Variants in IP6K1 observed in about 807,000 individuals in gnomAD.
The protein encoded by IP6K1 is ATP:1D-myo-inositol-hexakisphosphate phosphotransferase.
In IP6K1, 13 loss-of-function variants were observed where a neutral mutation model predicts 38.3. That is an observed-to-expected ratio of 0.34 (90% CI 0.22 to 0.54). The LOEUF (loss-of-function observed/expected upper bound fraction) is 0.54. Ranked by LOEUF, IP6K1 falls within the 20% of genes least tolerant of loss-of-function variation. The pLI, the probability that IP6K1 is intolerant of heterozygous loss-of-function variation, is 0.92. For missense variants in IP6K1, 397 were observed against 599.8 expected (o/e 0.66, Z 3.53); for synonymous variants, 212 against 229.9 (o/e 0.92, Z 0.70).
intron 1 of IP6K1, among the ~76,000 whole-genome samples, chr3:49,772,777 CAT>C (rs1392232259): frequency 6.8e-6 from 1 of 146,208 alleles, no homozygotes; most frequent in African/African-American, 2.5e-5. Context: ...TTTTTTTTTA[CAT>C]AGAGACAGGG....
At chr3:49,731,960 T>G (rs2080566641) in intron 4 of IP6K1, among the ~76,000 whole-genome samples, 1 of 151,658 alleles carries the variant, frequency 6.6e-6, no homozygotes, top group African/African-American at 2.4e-5. Flanking sequence ...GACAGGGTCT[T>G]GCTGTGTTGC....
chr3:49,746,677 A>T (rs2080724254), intron 2 of IP6K1, among the ~76,000 whole-genome samples: 1 of 151,456 alleles, frequency 6.6e-6, no homozygotes, highest in African/African-American at 2.4e-5. Context: ...CTCAAAAAAA[A>T]AAAAAAAGTG....
At chr3:49,768,626 C>T (rs1017165326) in intron 1 of IP6K1, among the ~76,000 whole-genome samples, 1 of 151,962 alleles carries the variant, frequency 6.6e-6, no homozygotes, top group Non-Finnish European at 1.5e-5. Flanking sequence ...AAAAATTAGC[C>T]GGCCGTGGTG....
At chr3:49,780,144 A>C (rs1224815337) in intron 1 of IP6K1, among the ~76,000 whole-genome samples, 1 of 152,282 alleles carries the variant, frequency 6.6e-6, no homozygotes, top group South Asian at 2.1e-4. Flanking sequence ...ATAAAATTTT[A>C]CAAAAGAGAT....
chr3:49,759,906 T>C (rs942811862), intron 1 of IP6K1, among the ~76,000 whole-genome samples: 5 of 152,156 alleles, frequency 3.3e-5, no homozygotes, highest in Non-Finnish European at 5.9e-5. Context: ...AGAATTATTG[T>C]TTTTTCTTTC....
intron 1 of IP6K1, among the ~76,000 whole-genome samples, chr3:49,765,470 T>C (rs1310022108): frequency 7.6e-6 from 1 of 132,288 alleles, no homozygotes; most frequent in African/African-American, 2.9e-5. Context: ...TCAAACTCTG[T>C]TTCTACTTAA....
rs1427703740 is a variant in IP6K1 at position 49,724,496 on chromosome 3, CAG to C, written c.*2624_*2625del. 3.3e-5 allele frequency: 5 copies of C among 152,434 alleles called. No individual in the cohort carries two copies. In the East Asian group the frequency reaches 9.6e-4, roughly 29 times the overall value. 9.4% of individuals were successfully genotyped at this position (152,434 alleles called of 1,614,324 possible). A position where few individuals can be genotyped will look rare whatever the true frequency, so the allele number is the denominator to read the frequency against. On this transcript the variant is annotated 3_prime_UTR_variant, in exon 6 of 6. Coordinates refer to ENST00000321599, the MANE Select transcript of IP6K1 (RefSeq NM_153273.4). ...AGGCTTAGCTTCCAGGAAAGAGCAG[CAG>C]AGAGCGATTCCCAGAACGCGAGGGC...
At chr3:49,775,578 T>C (rs2081000081) in intron 1 of IP6K1, 1 of 1,037,604 alleles carries the variant, frequency 9.6e-7, no homozygotes, top group Admixed American at 2.1e-5. Context: ...AGACCTCTTC[T>C]ACGAACACAA....
intron 2 of IP6K1, among the ~76,000 whole-genome samples, chr3:49,740,929 C>T (rs139367055): frequency 1.3e-5 from 2 of 151,476 alleles, no homozygotes; most frequent in African/African-American, 4.8e-5. Context: ...CCTCAGCTCA[C>T]TGCAATCTCC....
At chr3:49,768,245 T>C (rs1451200795) in intron 1 of IP6K1, among the ~76,000 whole-genome samples, 1 of 152,194 alleles carries the variant, frequency 6.6e-6, no homozygotes, top group Admixed American at 6.6e-5. Context: ...TATACACCAA[T>C]GTTCACAGCA....
chr3:49,752,217 G>T (rs2080783390), intron 1 of IP6K1, among the ~76,000 whole-genome samples: 2 of 152,056 alleles, frequency 1.3e-5, no homozygotes, highest in Non-Finnish European at 2.9e-5. Context: ...GCCGGGTGCA[G>T]TGCCTCACGC....
At chr3:49,771,339 T>C (rs1287328408) in intron 1 of IP6K1, among the ~76,000 whole-genome samples, 2 of 151,634 alleles carry the variant, frequency 1.3e-5, no homozygotes, top group African/African-American at 2.4e-5. Flanking sequence ...CTCTAAAAGA[T>C]ACATTTCTTT....
Position 49,781,623 on chromosome 3 carries a change from C to A in IP6K1, c.-129+4731G>T, listed in dbSNP as rs184530106. On this transcript the variant is annotated intron_variant, in intron 1 of 5. Transcript: ENST00000321599. ...GAAAGAGTATGTATGGAATGTTTAG[C>A]AAACCATTTGGTTAGTGGGGATTAG... Among the ~76,000 whole-genome samples, 481 of 152,260 alleles carry A rather than the reference C, an allele frequency of 3.2e-3. 2 individuals are homozygous for A. The highest frequency in any genetic ancestry group is 6.8e-3 in the Middle Eastern group (2 of 294).
chr3:49,751,914 T>C (rs1017361801), intron 1 of IP6K1, among the ~76,000 whole-genome samples: 1 of 152,232 alleles, frequency 6.6e-6, no homozygotes, highest in Non-Finnish European at 1.5e-5. Context: ...CTGGTTATAA[T>C]AACAAACTCC....
At chr3:49,783,380 G>GA (rs993614097) in intron 1 of IP6K1, among the ~76,000 whole-genome samples, 167 of 136,452 alleles carry the variant, frequency 1.2e-3, no homozygotes, top group Middle Eastern at 3.7e-3. Context: ...CCCTGTCTCA[G>GA]AAAAAAAAAA....
chr3:49,731,612 C>G (rs2080562360), intron 4 of IP6K1, among the ~76,000 whole-genome samples: 1 of 152,136 alleles, frequency 6.6e-6, no homozygotes, highest in Non-Finnish European at 1.5e-5. Flanking sequence ...GTTCCTTCCT[C>G]AAAAGATTGC....
Position 49,728,527 on chromosome 3 carries a change from T to C in IP6K1, c.617-249A>G. 8.1e-6 allele frequency: 4 copies of C among 493,556 alleles called. No homozygotes were observed. In the South Asian group the frequency reaches 1.1e-4, roughly 14 times the overall value. 30.6% of individuals were successfully genotyped at this position (493,556 alleles called of 1,614,324 possible). On this transcript the variant is annotated intron_variant, in intron 4 of 5. Transcript: ENST00000321599. ...GTGGCATGAAGTACATTTACTTTGTTGTATAACCATCACAACCATCTATCT... is the reference window on the plus strand; with the variant it reads ...GTGGCATGAAGTACATTTACTTTGTCGTATAACCATCACAACCATCTATCT...
intron 3 of IP6K1, among the ~76,000 whole-genome samples, chr3:49,735,716 T>C (rs949577647): frequency 1.3e-5 from 2 of 152,208 alleles, no homozygotes; most frequent in Non-Finnish European, 2.9e-5. Context: ...CATGGGGTAC[T>C]GTACTTGACA....
At chr3:49,757,417 T>C (rs928500049) in intron 1 of IP6K1, among the ~76,000 whole-genome samples, 2 of 152,196 alleles carry the variant, frequency 1.3e-5, no homozygotes, top group African/African-American at 2.4e-5. Context: ...CACCATGTTA[T>C]CTTTTGAAAA....
Sources: gnomAD v4.1 joint callset for allele counts (sites outside exome capture counted in the v4.1 genomes callset) on GRCh38, gnomAD v4.1.1 for gene constraint, MANE v1.5 for transcripts, NCBI Gene and HGNC (gene_info 2026-07-23, HGNC 2026-07-21) for gene names.